KDM4C: variants seen among roughly 807,000 people sequenced by gnomAD.
KDM4C encodes the protein lysine-specific demethylase 4C.
Under a neutral mutation model 129.3 loss-of-function variants are expected in KDM4C, and 81 were observed. The observed-to-expected ratio is 0.63, with a 90% CI of 0.52 to 0.75. The LOEUF (loss-of-function observed/expected upper bound fraction) is 0.75, where lower values mean the gene tolerates loss of function less well. Ranked by LOEUF, KDM4C falls within the 30% of genes least tolerant of loss-of-function variation. The pLI, the probability that KDM4C is intolerant of heterozygous loss-of-function variation, is 0.00. For synonymous variants in KDM4C, 573 were observed against 456.1 expected (o/e 1.26, Z -3.26); for missense variants, 1,457 against 1,304.0 (o/e 1.12, Z -1.81).
At chr9:6,885,414 G>GT (rs1392149038) in intron 6 of KDM4C, among the ~76,000 whole-genome samples, 2 of 152,184 alleles carry the variant, frequency 1.3e-5, no homozygotes, top group Non-Finnish European at 2.9e-5. Context: ...ACTTCTCTGT[G>GT]TTGCAAAACT....
chr9:6,796,350 C>T (rs1375469141), intron 2 of KDM4C, among the ~76,000 whole-genome samples: 2 of 152,168 alleles, frequency 1.3e-5, no homozygotes, highest in African/African-American at 4.8e-5. Context: ...GAGGCTGAGC[C>T]AGGATAATCA....
intron 4 of KDM4C, among the ~76,000 whole-genome samples, chr9:6,827,122 C>T (rs1401409264): frequency 2.0e-5 from 3 of 152,190 alleles, no homozygotes; most frequent in African/African-American, 7.2e-5. Flanking sequence ...CATTCTTCTG[C>T]AGCTTCTTGA....
intron 5 of KDM4C, among the ~76,000 whole-genome samples, chr9:6,879,363 C>G (rs944730312): frequency 6.6e-6 from 1 of 152,050 alleles, no homozygotes; most frequent in Non-Finnish European, 1.5e-5. Context: ...ATGAGTATTT[C>G]TGTTCTTTAA....
At chr9:7,017,972 C>G (rs1823986647) in intron 15 of KDM4C, among the ~76,000 whole-genome samples, 1 of 152,130 alleles carries the variant, frequency 6.6e-6, no homozygotes. Context: ...TCTGAATAAT[C>G]TGGTATATTT....
intron 1 of KDM4C, among the ~76,000 whole-genome samples, chr9:6,750,463 G>A (rs763914072): frequency 6.6e-6 from 1 of 150,416 alleles, no homozygotes; most frequent in African/African-American, 2.4e-5. Context: ...AGCTCTTCAC[G>A]AGGCAAAAGC....
At chr9:6,813,925 C>G (rs1230050365) in intron 3 of KDM4C, among the ~76,000 whole-genome samples, 2 of 152,014 alleles carry the variant, frequency 1.3e-5, no homozygotes, top group Non-Finnish European at 2.9e-5. Context: ...TTTTTTTTAG[C>G]TAATTACTAG....
intron 1 of KDM4C, among the ~76,000 whole-genome samples, chr9:6,741,819 T>C (rs1466071430): frequency 6.6e-6 from 1 of 151,588 alleles, no homozygotes; most frequent in East Asian, 1.9e-4. Flanking sequence ...TCACCTGCCT[T>C]GGTCTCCCAA....
chr9:6,725,512 A>C (rs1817092190), intron 1 of KDM4C, among the ~76,000 whole-genome samples: 1 of 151,688 alleles, frequency 6.6e-6, no homozygotes, highest in African/African-American at 2.4e-5. Context: ...TTTGAGATGG[A>C]GTTTTGCTCT....
chr9:7,161,792 C>G (rs1401905479), intron 19 of KDM4C, among the ~76,000 whole-genome samples: 1 of 152,186 alleles, frequency 6.6e-6, no homozygotes, highest in Non-Finnish European at 1.5e-5. Flanking sequence ...TTGGAGAGAT[C>G]AGAGAAGCCT....
At chr9:7,077,555 G>C (rs1416544007) in intron 17 of KDM4C, among the ~76,000 whole-genome samples, 2 of 152,152 alleles carry the variant, frequency 1.3e-5, no homozygotes, top group East Asian at 3.8e-4. Flanking sequence ...GCTAAGAAGA[G>C]TTCAATAATT....
At chr9:7,151,777 A>G (rs1842754068) in intron 19 of KDM4C, among the ~76,000 whole-genome samples, 1 of 152,210 alleles carries the variant, frequency 6.6e-6, no homozygotes, top group African/African-American at 2.4e-5. Flanking sequence ...GCTTGAATCG[A>G]TTAACCCAGA....
chr9:6,770,758 A>T (rs1255151074), intron 1 of KDM4C, among the ~76,000 whole-genome samples: 123 of 45,784 alleles, frequency 2.7e-3, no homozygotes, highest in Middle Eastern at 0.014. Flanking sequence ...GGTTTTTGCG[A>T]TTTTGATCCT....
intron 4 of KDM4C, among the ~76,000 whole-genome samples, chr9:6,840,296 C>T (rs1004023330): frequency 6.6e-6 from 1 of 152,072 alleles, no homozygotes; most frequent in African/African-American, 2.4e-5. Context: ...TAGTCTTGAA[C>T]TCCTGGGCTC....
intron 18 of KDM4C, among the ~76,000 whole-genome samples, chr9:7,119,100 C>T (rs771717985): frequency 3.9e-5 from 6 of 152,054 alleles, no homozygotes; most frequent in South Asian, 4.2e-4. Context: ...GTTAGATTCC[C>T]GTGTCAGGTT....
At chr9:6,732,183 A>G (rs4742252) in intron 1 of KDM4C, among the ~76,000 whole-genome samples, 37,570 of 150,684 alleles carry the variant, frequency 0.25, 5,410 homozygotes, top group East Asian at 0.4. Flanking sequence ...TGGCTAACAC[A>G]GTGAAACCCC....
In KDM4C at chr9:6,857,723, A is replaced by G. The variant is rs1315438999; in HGVS notation, c.629+8023A>G. Among the ~76,000 whole-genome samples, 8 of 151,972 alleles carry G rather than the reference A, an allele frequency of 5.3e-5. 1 individual carries two copies. Among genetic ancestry groups the G allele is most frequent in the Non-Finnish European group, 2.9e-5 (2 of 68,000 alleles). On this transcript the variant is annotated intron_variant, in intron 5 of 21. Transcript: ENST00000381309. ...TCCTAATAATGTCAGTCAACGTGCA[A>G]AGCAAATAGTTTTCCAGAGTAGCCA...
intron 11 of KDM4C, among the ~76,000 whole-genome samples, chr9:6,990,009 C>G (rs1328582388): frequency 6.6e-6 from 1 of 151,908 alleles, no homozygotes; most frequent in African/African-American, 2.4e-5. Context: ...AGCTCCTGGG[C>G]TCAAGGGATC....
chr9:6,875,744 A>C (rs1390688322), intron 5 of KDM4C, among the ~76,000 whole-genome samples: 2 of 152,198 alleles, frequency 1.3e-5, no homozygotes, highest in Non-Finnish European at 2.9e-5. Context: ...TCATTCTGAT[A>C]GGTCTTAGCA....
At chr9:6,835,383 C>G in intron 4 of KDM4C, 1 of 1,113,150 alleles carries the variant, frequency 9.0e-7, no homozygotes, top group South Asian at 1.2e-5. Flanking sequence ...GCGTTGCCAA[C>G]AGGATGCAGA....
Sources: allele counts gnomAD v4.1 joint callset (sites outside exome capture counted in the v4.1 genomes callset), GRCh38; gene constraint gnomAD v4.1.1; transcripts MANE v1.5; gene names NCBI Gene and HGNC (gene_info 2026-07-23, HGNC 2026-07-21).